FAM81A: variants seen among roughly 807,000 people sequenced by gnomAD.
FAM81A encodes the protein protein FAM81A.
FAM81A carries 19 observed loss-of-function variants against 46.7 expected under a neutral mutation model. That is an observed-to-expected ratio of 0.41 (90% CI 0.28 to 0.60). FAM81A has a LOEUF of 0.60. Among genes scored for constraint, FAM81A ranks in the 20% least tolerant of loss-of-function variants. FAM81A has a pLI of 0.34. For synonymous variants in FAM81A, 183 were observed against 152.9 expected, an observed-to-expected ratio of 1.20 and a Z score of -1.45; for missense variants, 377 against 453.5, an observed-to-expected ratio of 0.83 and a Z score of 1.53.
chr15:59,520,088 A>AT (rs531159045), intron 8 of FAM81A, among the ~76,000 whole-genome samples: 61 of 99,140 alleles, frequency 6.2e-4, no homozygotes, highest in Middle Eastern at 4.4e-3. Flanking sequence ...ACATTATGAG[A>AT]TTTTTTTGTG....
At chr15:59,421,713 A>ATCTGTCTGTCTG (rs563133863) in intron 2 of FAM81A, among the ~76,000 whole-genome samples, 8 of 100,460 alleles carry the variant, frequency 8.0e-5, no homozygotes, top group Non-Finnish European at 1.3e-4. Context: ...TAAACTATCT[A>ATCTGTCTGTCTG]TCTGTCTGTC....
intron 1 of FAM81A, among the ~76,000 whole-genome samples, chr15:59,453,755 A>G (rs1366033583): frequency 5.3e-5 from 8 of 151,978 alleles, no homozygotes; most frequent in African/African-American, 1.9e-4. Flanking sequence ...AATTTGGAAG[A>G]GAGGAGGCAG....
chr15:59,508,865 T>C lies in FAM81A; in HGVS notation c.546T>C (p.Ile182=), dbSNP rs775248689. The C allele has an allele frequency of 1.2e-6, 2 of 1,609,312 alleles. No individual in the cohort carries two copies. The highest frequency in any genetic ancestry group is 1.7e-6 in the Non-Finnish European group (2 of 1,178,010). The change falls in exon 6 of 9, where the codon ATT becomes ATC. Residue 182 remains isoleucine (I), a splice_region_variant and synonymous_variant. Coordinates refer to ENST00000288228, the MANE Select transcript of FAM81A (RefSeq NM_152450.3). ...TATAAGCAAGATTTCTTTTCCAGATTTCTCAGCTTTTGAACAGAGTGGACT... is the reference window on the plus strand; with the variant it reads ...TATAAGCAAGATTTCTTTTCCAGATCTCTCAGCTTTTGAACAGAGTGGACT... ...ETKIKDAEGQ[I]SQLLNRVDLS...
rs1442802145 is a variant in FAM81A, at chr15:59,460,289, A to G, written c.294+83A>G. The stretch of plus-strand genomic sequence containing the variant: ...AGGAGGTCACCCACATCTAACTCCT[A>G]CCTCCCAGGCAGTACTGCATTTAGA... On this transcript the variant is annotated intron_variant, in intron 3 of 8. Transcript: ENST00000288228. This position sits in a 1 kb window ranked among gnomAD's most constrained non-coding sequence, Gnocchi z 4.4. The G allele has an allele frequency of 1.6e-5, 25 of 1,556,974 alleles. No homozygotes were observed. The highest frequency in any genetic ancestry group is 2.7e-5 in the African/African-American group (2 of 73,758).
chr15:59,518,139 A>ATT (rs576524944), intron 8 of FAM81A, among the ~76,000 whole-genome samples: 161 of 134,802 alleles, frequency 1.2e-3, no homozygotes, highest in Non-Finnish European at 2.0e-3. Context: ...CGGCCGGCTA[A>ATT]TTTTTTTTTT....
intron 2 of FAM81A, among the ~76,000 whole-genome samples, chr15:59,409,187 C>G (rs4775166): frequency 0.36 from 54,858 of 151,972 alleles, 12,348 homozygotes; most frequent in Non-Finnish European, 0.49. Flanking sequence ...TACAGACATG[C>G]AAGGTTTGGA....
chr15:59,434,051 C>T (rs1567041922), upstream of FAM81A, among the ~76,000 whole-genome samples: 1 of 152,148 alleles, frequency 6.6e-6, no homozygotes, highest in South Asian at 2.1e-4. Context: ...AGACGGGTTT[C>T]GCCATGTTGG....
intron 2 of FAM81A, among the ~76,000 whole-genome samples, chr15:59,417,902 C>T (rs1396598316): frequency 6.6e-6 from 1 of 152,000 alleles, no homozygotes; most frequent in African/African-American, 2.4e-5. Flanking sequence ...GGTTTATCTC[C>T]TAATGCTATC....
chr15:59,520,673 C>T (rs1284161276), intron 8 of FAM81A, among the ~76,000 whole-genome samples: 1 of 151,474 alleles, frequency 6.6e-6, no homozygotes, highest in Non-Finnish European at 1.5e-5. Context: ...AAGCAATTCT[C>T]CCTGCCTCAG....
intron 1 of FAM81A, among the ~76,000 whole-genome samples, chr15:59,398,142 C>A (rs1450847664): frequency 4.6e-5 from 7 of 152,146 alleles, no homozygotes; most frequent in Non-Finnish European, 1.0e-4. Flanking sequence ...GGATAACTGG[C>A]TTTCTGGTTC....
At chr15:59,474,464 A>G (rs1442598543) in intron 3 of FAM81A, among the ~76,000 whole-genome samples, 1 of 152,168 alleles carries the variant, frequency 6.6e-6, no homozygotes, top group Non-Finnish European at 1.5e-5. Context: ...TCACATTGCA[A>G]AAGGATTGAA....
chr15:59,464,760 A>C (rs1452454906), intron 3 of FAM81A, among the ~76,000 whole-genome samples: 1 of 152,152 alleles, frequency 6.6e-6, no homozygotes, highest in African/African-American at 2.4e-5. Flanking sequence ...CCCATCCTGT[A>C]GATTGTCTTT....
At chr15:59,439,383 T>C (rs2081272457) in intron 1 of FAM81A, among the ~76,000 whole-genome samples, 1 of 150,442 alleles carries the variant, frequency 6.6e-6, no homozygotes, top group Non-Finnish European at 1.5e-5. Flanking sequence ...TGAATGCGCG[T>C]GTGTGTATGT....
chr15:59,520,160 A>G (rs1427832312), intron 8 of FAM81A, among the ~76,000 whole-genome samples: 3 of 151,918 alleles, frequency 2.0e-5, no homozygotes, highest in African/African-American at 7.3e-5. Context: ...ATTGCCCAAG[A>G]CAATTCTTTC....
At chr15:59,430,517 T>C (rs1417688296) in intron 2 of FAM81A, among the ~76,000 whole-genome samples, 1 of 152,066 alleles carries the variant, frequency 6.6e-6, no homozygotes, top group African/African-American at 2.4e-5. Flanking sequence ...CCACCTGCCT[T>C]GGCCTCCCAA....
intron 4 of FAM81A, among the ~76,000 whole-genome samples, chr15:59,503,151 A>G (rs2141801926): frequency 6.6e-6 from 1 of 150,710 alleles, no homozygotes; most frequent in African/African-American, 2.4e-5. Flanking sequence ...CTGAGGCAGG[A>G]CAATCGCTTG....
At chr15:59,492,493 A>G (rs2081992003) in intron 4 of FAM81A, 104 bp downstream of exon 4, 1 of 887,698 alleles carries the variant, frequency 1.1e-6, no homozygotes, top group Non-Finnish European at 1.7e-6. Context: ...AATGGCTTGC[A>G]TTCCTTTAGT....
intron 4 of FAM81A, among the ~76,000 whole-genome samples, chr15:59,494,258 G>A (rs1485710432): frequency 6.6e-6 from 1 of 152,194 alleles, no homozygotes; most frequent in Non-Finnish European, 1.5e-5. Context: ...AGAACAGCAG[G>A]GAGTTAGAAG....
At chr15:59,401,659 C>T (rs1236485701) in intron 1 of FAM81A, 29 of 831,440 alleles carry the variant, frequency 3.5e-5, no homozygotes, top group South Asian at 2.9e-4. Flanking sequence ...CCCATTTTCC[C>T]GCCTTCTCTT....
Sources: allele counts gnomAD v4.1 joint callset (sites outside exome capture counted in the v4.1 genomes callset), GRCh38; gene constraint gnomAD v4.1.1; non-coding constraint Gnocchi (gnomAD v3.1); transcripts MANE v1.5; gene names NCBI Gene and HGNC (gene_info 2026-07-23, HGNC 2026-07-21).